ADGRF5: variants seen among roughly 807,000 people sequenced by gnomAD.
ADGRF5 encodes the protein adhesion G protein-coupled receptor F5, also known as G-protein coupled receptor 116.
Under a neutral mutation model 132.3 loss-of-function variants are expected in ADGRF5, and 75 were observed. The ratio of observed to expected loss-of-function variants is 0.57; its 90% confidence interval spans 0.47 to 0.69. The LOEUF (loss-of-function observed/expected upper bound fraction) is 0.69. Ranked by LOEUF, ADGRF5 falls within the 30% of genes least tolerant of loss-of-function variation. ADGRF5 has a pLI of 0.00. For synonymous variants in ADGRF5, 629 were observed against 597.6 expected, an observed-to-expected ratio of 1.05 and a Z score of -0.77; for missense variants, 1,516 against 1,630.6, an observed-to-expected ratio of 0.93 and a Z score of 1.21.
At chr6:46,950,104 G>A (rs925775493) in intron 1 of ADGRF5, among the ~76,000 whole-genome samples, 2 of 152,128 alleles carry the variant, frequency 1.3e-5, no homozygotes, top group Non-Finnish European at 2.9e-5. Flanking sequence ...AGCGGGAAGG[G>A]ACCTTTGAGG....
chr6:46,876,603 TTTG>T (rs536254666), intron 10 of ADGRF5, among the ~76,000 whole-genome samples: 7 of 152,132 alleles, frequency 4.6e-5, no homozygotes, highest in Admixed American at 6.5e-5. Context: ...ATTGATAGTT[TTTG>T]TTGTTGTTGT....
At chr6:46,870,014 T>C (rs1443535465) in intron 11 of ADGRF5, among the ~76,000 whole-genome samples, 1 of 152,074 alleles carries the variant, frequency 6.6e-6, no homozygotes, top group Non-Finnish European at 1.5e-5. Flanking sequence ...TGTCTAACTG[T>C]GCACTTCTCT....
chr6:46,941,429 A>AAGAAAAG (rs1778065258), intron 1 of ADGRF5, among the ~76,000 whole-genome samples: 1 of 60,464 alleles, frequency 1.7e-5, no homozygotes, highest in African/African-American at 6.1e-5. Context: ...AAGAAAAGAA[A>AAGAAAAG]AGAAAAGAAA....
rs748993061 is a variant in ADGRF5 at position 46,888,427 on chromosome 6, G to A, written c.236C>T (p.Pro79Leu). ...GAGGCTGTTCAAGTAGGCTTTGATA[G>A]GATCCAGGAAGGATGCATTTTCAAA... is the stretch of plus-strand genomic sequence containing the variant. The part of the protein sequence containing the change: ...ISFENASFLD[P>L]IKAYLNSLSF... Residue 79 changes from proline (P) to leucine (L), a missense_variant, in exon 4 of 21, where the codon CCT (proline) becomes CTT (leucine). This residue lies in a region of ADGRF5 where 945 missense variants were observed against 929.4 expected (regional missense o/e 1.02). Coordinates refer to ENST00000283296, the MANE Select transcript of ADGRF5 (RefSeq NM_001098518.2). The A allele has an allele frequency of 2.8e-5, 45 of 1,610,380 alleles. No individual in the cohort carries two copies. The highest frequency in any genetic ancestry group is 3.6e-5 in the Non-Finnish European group (42 of 1,176,690).
intron 16 of ADGRF5, among the ~76,000 whole-genome samples, chr6:46,859,880 G>A (rs1769534364): frequency 6.9e-6 from 1 of 144,470 alleles, no homozygotes; most frequent in African/African-American, 2.6e-5. Flanking sequence ...AGTAGAGATG[G>A]GGTTTCACCA....
chr6:46,888,079 A>T, intron 4 of ADGRF5: 1 of 324,940 alleles, frequency 3.1e-6, no homozygotes. Context: ...ATATCTTGGG[A>T]TCACTTTATG....
chr6:46,881,944 G>T, intron 7 of ADGRF5, 105 bp downstream of exon 7: 1 of 875,654 alleles, frequency 1.1e-6, no homozygotes, highest in Non-Finnish European at 2.0e-6. Flanking sequence ...AACTGCTCCT[G>T]CTGAGGATTC....
chr6:46,877,225 CTCTTTCTTTCTTTCTTTCTTTCTT>C (rs71536391), intron 10 of ADGRF5, among the ~76,000 whole-genome samples: 2 of 131,682 alleles, frequency 1.5e-5, no homozygotes, highest in African/African-American at 2.7e-5. Flanking sequence ...TTTATTTCCT[CTCTTTCTTTCTTTCTTTCTTTCTT>C]TCTTTCTTTC....
At chr6:46,871,569 C>T (rs1156398522) in intron 11 of ADGRF5, among the ~76,000 whole-genome samples, 2 of 152,106 alleles carry the variant, frequency 1.3e-5, no homozygotes, top group Non-Finnish European at 2.9e-5. Flanking sequence ...CTTCCCACTC[C>T]ACCTCCTGCA....
chr6:46,874,923 G>T (rs1396846149), intron 10 of ADGRF5, among the ~76,000 whole-genome samples: 2 of 152,324 alleles, frequency 1.3e-5, no homozygotes, highest in Non-Finnish European at 2.9e-5. Context: ...GTAGGTACAG[G>T]CTGGGGATGC....
intron 1 of ADGRF5, among the ~76,000 whole-genome samples, chr6:46,944,928 C>T (rs1778244876): frequency 6.6e-6 from 1 of 152,150 alleles, no homozygotes; most frequent in South Asian, 2.1e-4. Context: ...TGCTTAGGCT[C>T]ATTCTCTGTG....
chr6:46,871,088 A>G (rs1314813264), intron 11 of ADGRF5, among the ~76,000 whole-genome samples: 1 of 152,038 alleles, frequency 6.6e-6, no homozygotes, highest in Non-Finnish European at 1.5e-5. Context: ...AGAAAACATG[A>G]ACGACAGTTA....
chr6:46,904,665 C>A (rs1379633060), intron 2 of ADGRF5, among the ~76,000 whole-genome samples: 1 of 151,976 alleles, frequency 6.6e-6, no homozygotes, highest in Non-Finnish European at 1.5e-5. Flanking sequence ...AAACTGTATG[C>A]CTAAAAATGG....
intron 1 of ADGRF5, among the ~76,000 whole-genome samples, chr6:46,931,835 G>C (rs566415248): frequency 1.3e-5 from 2 of 152,166 alleles, no homozygotes; most frequent in African/African-American, 4.8e-5. Context: ...CAGAAGAATC[G>C]CTTGAACCTG....
upstream of ADGRF5, among the ~76,000 whole-genome samples, chr6:46,923,174 C>G (rs1561824064): frequency 6.6e-6 from 1 of 152,194 alleles, no homozygotes; most frequent in Non-Finnish European, 1.5e-5. Flanking sequence ...TAATCCCCAG[C>G]CTCGGCCTCC....
rs749255313 is a variant in ADGRF5, at chr6:46,858,641, C to A, written c.3262G>T (p.Ala1088Ser). 14 of 1,614,138 alleles carry A rather than the reference C, an allele frequency of 8.7e-6. No homozygotes were observed. The highest frequency in any genetic ancestry group is 1.1e-5 in the Non-Finnish European group (13 of 1,180,026). The part of the protein sequence containing the change: ...RYILCKTACV[A>S]ATFFIHFFYL... ...AAGAAGTGGATGAAGAAGGTGGCAG[C>A]CACACAGGCTGTCTTGCAGAGTATG... Residue 1088 changes from alanine to serine, a missense_variant, in exon 17 of 21, where the codon GCT becomes TCT. Ala to Ser is a moderately conservative substitution (Grantham distance 99). This residue lies in a region of ADGRF5 where 571 missense variants were observed against 701.2 expected (regional missense o/e 0.81). Coordinates refer to ENST00000283296, the MANE Select transcript of ADGRF5 (RefSeq NM_001098518.2).
Position 46,858,590 on chromosome 6 carries a change from G to A in ADGRF5, c.3313C>T (p.Leu1105=). 1 of 1,614,008 alleles carries A rather than the reference G, an allele frequency of 6.2e-7. No homozygotes were observed. Among genetic ancestry groups the A allele is most frequent in the Non-Finnish European group, 8.5e-7 (1 of 1,179,932 alleles). ...TAGAACAGCATGAGGCCCAGTGTCA[G>A]CATCCAGAAGAAGACGCTGAGGTAG... ...FFYLSVFFWM[L]TLGLMLFYRL... is the part of the protein sequence containing the mutation. Residue 1105 remains leucine, a synonymous_variant, in exon 17 of 21, where the codon CTG becomes TTG. Transcript: ENST00000283296.
At chr6:46,872,294 T>C (rs1313141483) in intron 10 of ADGRF5, among the ~76,000 whole-genome samples, 2 of 152,130 alleles carry the variant, frequency 1.3e-5, no homozygotes, top group Non-Finnish European at 2.9e-5. Flanking sequence ...GGATTAATAA[T>C]TGCAGTTACT....
Position 46,872,042 on chromosome 6 carries a change from C to T in ADGRF5, c.1241-29G>A, listed in dbSNP as rs765885504. The stretch of plus-strand genomic sequence containing the variant: ...TAATGAGAAGCAAATTGTTGCCATC[C>T]CAGCTGGCTAACTCTTTTATTTAGT... On this transcript the variant is annotated intron_variant, in intron 10 of 20. Transcript: ENST00000283296. The T allele has an allele frequency of 1.6e-5, 25 of 1,536,800 alleles. 1 individual carries two copies. The South Asian group carries it at 2.8e-4, about 17-fold the overall frequency.
Sources: allele counts gnomAD v4.1 joint callset (sites outside exome capture counted in the v4.1 genomes callset), GRCh38; gene constraint gnomAD v4.1.1; regional missense constraint gnomAD v4.1.1; transcripts MANE v1.5; gene names NCBI Gene and HGNC (gene_info 2026-07-23, HGNC 2026-07-21).